Variants in ABCA12 observed in about 807,000 individuals in gnomAD.
ABCA12 encodes glucosylceramide transporter ABCA12.
In ABCA12, 156 loss-of-function variants were observed where a neutral mutation model predicts 293.5. The observed-to-expected ratio is 0.53, with a 90% CI of 0.47 to 0.61. The LOEUF is 0.61. Ranked by LOEUF, ABCA12 falls within the 20% of genes least tolerant of loss-of-function variation. The probability of loss-of-function intolerance (pLI) is 0.00; values close to 1 mark genes in which losing one functional copy is unlikely to be tolerated. For synonymous variants in ABCA12, 1,063 were observed against 1,108.0 expected (o/e 0.96, Z 0.81); for missense variants, 2,797 against 3,090.2 (o/e 0.91, Z 2.25).
Position 215,019,779 on chromosome 2 carries a change from G to A in ABCA12, c.1305C>T (p.Asn435=), listed in dbSNP as rs530511039. The change falls in exon 12 of 53, where the codon AAC becomes AAT. Residue 435 remains asparagine (N), a synonymous_variant. Transcript: ENST00000272895. ...CAGATTCACAAAGAAGTTCGGTCAA[G>A]TTTCGAAGTTGAGACAGCTTTCCAA... The part of the protein sequence containing the change: ...VLKSKLSQLR[N]LTELLCESET... The A allele has an allele frequency of 1.4e-5, 22 of 1,612,436 alleles. No homozygotes were observed. The highest frequency in any genetic ancestry group is 1.8e-5 in the Non-Finnish European group (21 of 1,180,024).
rs1479627572 is a variant in ABCA12, at chr2:214,966,877, T to C, written c.5855A>G (p.Asn1952Ser). ...TCGGGCAGCATCGTATTTTGACATG[T>C]TAACTCGCAGAAGGAAATTATTCAG... The part of the protein sequence containing the change: ...NSLNNFLLRV[N>S]MSKYDAARHG... The change falls in exon 39 of 53, where the codon AAC (asparagine) becomes AGC (serine). Residue 1952 changes from asparagine to serine, a missense_variant. Physicochemically the swap from Asn to Ser is conservative, Grantham distance 46. Transcript: ENST00000272895. The C allele has an allele frequency of 3.7e-6, 6 of 1,613,746 alleles. No individual in the cohort carries two copies. The highest frequency in any genetic ancestry group is 5.1e-6 in the Non-Finnish European group (6 of 1,179,824).
intron 2 of ABCA12, among the ~76,000 whole-genome samples, chr2:215,107,207 G>T (rs1702480800): frequency 6.6e-6 from 1 of 152,160 alleles, no homozygotes; most frequent in Non-Finnish European, 1.5e-5. Flanking sequence ...GGGGCTGCTT[G>T]CCTGGACATT....
intron 49 of ABCA12, among the ~76,000 whole-genome samples, chr2:214,944,724 G>C (rs933157606): frequency 3.9e-5 from 6 of 152,036 alleles, no homozygotes; most frequent in African/African-American, 1.4e-4. Context: ...TTAGACCTTA[G>C]ACTCCGTCCC....
rs1200217658 is a variant in ABCA12 at position 215,001,678 on chromosome 2, A to G, written c.2743T>C (p.Ser915Pro). The change falls in exon 21 of 53, where the codon TCT becomes CCT. Residue 915 changes from serine (S) to proline (P), a missense_variant. By Grantham distance (74) the Ser-to-Pro change is moderately conservative (BLOSUM62 -1). This residue lies in a region of ABCA12 where 2,130 missense variants were observed against 2,427.0 expected (regional missense o/e 0.88). Transcript: ENST00000272895. The part of the protein sequence containing the change: ...IDIIDQLNTL[S>P]SLTVNISSCV... The stretch of plus-strand genomic sequence containing the variant: ...GAGGAAATATTTACTGTCAGGGAAG[A>G]TAGTGTGTTAAGCTGATCGATGATG... 6.2e-7 allele frequency: 1 copy of G among 1,613,760 alleles called. No homozygotes were observed. The highest frequency in any genetic ancestry group is 8.5e-7 in the Non-Finnish European group (1 of 1,179,792).
At chr2:214,986,415 A>G in intron 28 of ABCA12, 127 bp downstream of exon 28, 1 of 999,646 alleles carries the variant, frequency 1.0e-6, no homozygotes, top group Non-Finnish European at 1.5e-6. Flanking sequence ...TACAAGTTGA[A>G]CCATCTTCCT....
chr2:214,945,965 G>T (rs1698570145), intron 48 of ABCA12, among the ~76,000 whole-genome samples: 3 of 152,058 alleles, frequency 2.0e-5, no homozygotes, highest in African/African-American at 7.2e-5. Flanking sequence ...ATTGGTTAAT[G>T]AATACAAAAT....
At chr2:214,953,732 A>T in intron 44 of ABCA12, 122 bp downstream of exon 44, 2 of 1,310,998 alleles carry the variant, frequency 1.5e-6, no homozygotes, top group Non-Finnish European at 2.1e-6. Flanking sequence ...AATTTTTTAA[A>T]AGTTTTTGAG....
At chr2:214,968,651 A>G in intron 38 of ABCA12, 69 bp downstream of exon 38, 1 of 1,499,584 alleles carries the variant, frequency 6.7e-7, no homozygotes, top group South Asian at 1.1e-5. Context: ...TCACTTCATG[A>G]AAATGATTAA....
In ABCA12 at chr2:215,025,756, T is replaced by C. The variant is rs1460500722; in HGVS notation, c.1204A>G (p.Thr402Ala). 2.5e-6 allele frequency: 4 copies of C among 1,612,886 alleles called. No individual in the cohort carries two copies. Among genetic ancestry groups the C allele is most frequent in the Non-Finnish European group, 3.4e-6 (4 of 1,179,220 alleles). The change falls in exon 11 of 53, where the codon ACA (threonine) becomes GCA (alanine). Residue 402 changes from threonine to alanine, a missense_variant. This residue lies in a region of ABCA12 where 656 missense variants were observed against 638.2 expected (regional missense o/e 1.03). Coordinates refer to ENST00000272895, the MANE Select transcript of ABCA12 (RefSeq NM_173076.3). ...SPENLRLLQS[T>A]IRFKKSFLRN... ...AGAAAAGATTTTTTAAATCGTATTG[T>C]GGACTGCAGGAGTCTTAGATTTTCT...
intron 39 of ABCA12, chr2:214,962,036 C>T (rs1699127759): frequency 6.6e-6 from 1 of 152,126 alleles, no homozygotes; most frequent in Non-Finnish European, 1.5e-5. Context: ...GACTATTAGG[C>T]TATAAATCTC....
intron 51 of ABCA12, among the ~76,000 whole-genome samples, chr2:214,936,643 C>G (rs1196166556): frequency 6.6e-6 from 1 of 152,146 alleles, no homozygotes; most frequent in Non-Finnish European, 1.5e-5. Flanking sequence ...GTGTCCATCC[C>G]ATGCCTATGC....
At chr2:215,051,296 T>G (rs966161475) in intron 5 of ABCA12, among the ~76,000 whole-genome samples, 1 of 152,164 alleles carries the variant, frequency 6.6e-6, no homozygotes, top group African/African-American at 2.4e-5. Flanking sequence ...TCAAATATTA[T>G]GTAAACTAGA....
intron 48 of ABCA12, among the ~76,000 whole-genome samples, chr2:214,946,240 T>A (rs1407640464): frequency 2.0e-5 from 3 of 152,102 alleles, no homozygotes; most frequent in African/African-American, 4.8e-5. Flanking sequence ...AATAATTTTT[T>A]AAAAAATAAA....
chr2:214,985,410 G>C (rs748613809), intron 28 of ABCA12, among the ~76,000 whole-genome samples: 8 of 152,186 alleles, frequency 5.3e-5, no homozygotes, highest in Non-Finnish European at 1.2e-4. Context: ...TCGGAGGGTG[G>C]AGGGTGGGAG....
At chr2:215,128,943 T>A (rs1702990127) in intron 1 of ABCA12, among the ~76,000 whole-genome samples, 1 of 152,184 alleles carries the variant, frequency 6.6e-6, no homozygotes, top group East Asian at 1.9e-4. Flanking sequence ...AGAGGGAAGA[T>A]CTATGTCTGA....
At chr2:214,992,545 G>GAAAAA (rs754702027) in intron 23 of ABCA12, among the ~76,000 whole-genome samples, 1 of 41,138 alleles carries the variant, frequency 2.4e-5, no homozygotes, top group Non-Finnish European at 4.4e-5. Context: ...TTTTTTTTAG[G>GAAAAA]AAAAAAAAAA....
chr2:215,001,445 G>T, intron 21 of ABCA12, 113 bp downstream of exon 21: 1 of 1,287,570 alleles, frequency 7.8e-7, no homozygotes, highest in Non-Finnish European at 1.1e-6. Flanking sequence ...GGACATCAGA[G>T]GACCTAAGGA....
intron 8 of ABCA12, chr2:215,032,603 T>C (rs1339822726): frequency 6.6e-6 from 1 of 152,228 alleles, no homozygotes; most frequent in Non-Finnish European, 1.5e-5. Flanking sequence ...CATAAAAGAG[T>C]AAGTGTGCAA....
intron 1 of ABCA12, among the ~76,000 whole-genome samples, chr2:215,131,239 G>GATTCATAGAATGAGATGGGAA (rs1274108729): frequency 1.3e-5 from 2 of 151,878 alleles, no homozygotes; most frequent in Non-Finnish European, 2.9e-5. Flanking sequence ...GGTGATGGTG[G>GATTCATAGAATGAGATGGGAA]ATTCATAGAA....
Sources: allele counts gnomAD v4.1 joint callset (sites outside exome capture counted in the v4.1 genomes callset), GRCh38; gene constraint gnomAD v4.1.1; regional missense constraint gnomAD v4.1.1; transcripts MANE v1.5; gene names NCBI Gene and HGNC (gene_info 2026-07-23, HGNC 2026-07-21).